MEG3: variants seen among roughly 807,000 people sequenced by gnomAD.
MEG3 encodes the protein Very putative protein from MEG3 locus.
chr14:100,847,025 G>C (rs922106906), intron 3 of MEG3: 1 of 150,294 alleles, frequency 6.7e-6, no homozygotes. Flanking sequence ...ACAAAGAAAG[G>C]TTAAAAAAAA....
chr14:100,827,337 C>T (rs1035992359), intron 1 of MEG3: 8 of 66,356 alleles, frequency 1.2e-4, no homozygotes, highest in African/African-American at 4.6e-4. Context: ...TTTTGGGGGG[C>T]GGGGTGGGGA....
In MEG3 at chr14:100,857,798, G is replaced by A. The variant is rs116907618; in HGVS notation, n.554G>A. The stretch of plus-strand genomic sequence containing the variant: ...CGGAGGGGTTTCTGCAAACATTCAT[G>A]TATGCCCCTGCTTTCGTTTGTTAGG... On this transcript the variant is annotated non_coding_transcript_exon_variant, in exon 1 of 2. Coordinates refer to the MEG3 transcript ENST00000398460. The A allele has an allele frequency of 1.2e-4, 18 of 152,170 alleles. 1 individual carries two copies. Among genetic ancestry groups the A allele is most frequent in the Non-Finnish European group, 1.5e-5 (1 of 68,052 alleles). 9.4% of individuals were successfully genotyped at this position (152,170 alleles called of 1,614,324 possible).
At chr14:100,860,554 C>A in intron 1 of MEG3, 1 of 429,776 alleles carries the variant, frequency 2.3e-6, no homozygotes, top group Non-Finnish European at 4.7e-6. Flanking sequence ...CCTCACCCTC[C>A]ATGCTGCTAG....
At chr14:100,833,692 G>T (rs1021845186), downstream of MEG3, 38 of 152,154 alleles carry the variant, frequency 2.5e-4, no homozygotes, top group African/African-American at 8.9e-4. Context: ...TATGTCCCGA[G>T]TCTGAAACAT....
intron 2 of MEG3, among the ~76,000 whole-genome samples, chr14:100,843,562 T>C (rs536654507): frequency 6.6e-6 from 1 of 152,360 alleles, no homozygotes; most frequent in Admixed American, 6.5e-5. Flanking sequence ...TAACCAGTTA[T>C]GGCAGAACAG....
intron 2 of MEG3, among the ~76,000 whole-genome samples, chr14:100,838,920 G>A (rs2037669683): frequency 6.6e-6 from 1 of 152,096 alleles, no homozygotes. Flanking sequence ...CTGACCTCAT[G>A]CCTCCTGAGT....
At chr14:100,834,494 C>T (rs2037495677) in exon 1 of MEG3, 1 of 323,226 alleles carries the variant, frequency 3.1e-6, no homozygotes, top group Non-Finnish European at 6.1e-6. Context: ...GAGGCACCGG[C>T]AGAGGGGTCT....
exon 2 of MEG3, chr14:100,860,827 T>TG (rs2038385583): frequency 2.6e-6 from 1 of 391,494 alleles, no homozygotes; most frequent in Non-Finnish European, 5.1e-6. Context: ...GTCAGACCCG[T>TG]GGGCTGGACC....
chr14:100,839,287 T>C (rs1566726752), intron 2 of MEG3, among the ~76,000 whole-genome samples: 4 of 152,084 alleles, frequency 2.6e-5, no homozygotes, highest in Admixed American at 1.3e-4. Context: ...GTGGCTTCTT[T>C]TTAGGAGACT....
downstream of MEG3, chr14:100,830,388 C>T (rs1018716913): frequency 2.7e-5 from 4 of 150,416 alleles, no homozygotes; most frequent in Admixed American, 2.0e-4. Context: ...CACACACCCC[C>T]TCGTGTATCT....
At chr14:100,840,986 G>A (rs2037738918) in intron 2 of MEG3, among the ~76,000 whole-genome samples, 1 of 152,212 alleles carries the variant, frequency 6.6e-6, no homozygotes, top group Non-Finnish European at 1.5e-5. Flanking sequence ...TCAGGAAGTT[G>A]GCGGTAGGGG....
intron 3 of MEG3, chr14:100,848,314 G>T (rs2037976552): frequency 6.6e-6 from 1 of 152,234 alleles, no homozygotes; most frequent in South Asian, 2.1e-4. Context: ...CACATGGGAG[G>T]GAGGAGTGGG....
At chr14:100,857,832 G>C (rs2038287099) in exon 1 of MEG3, 1 of 152,232 alleles carries the variant, frequency 6.6e-6, no homozygotes, top group African/African-American at 2.4e-5. Context: ...GGGAGAAGGA[G>C]TGGGGTGACC....
chr14:100,847,981 C>A (rs996227333), intron 3 of MEG3: 1 of 152,100 alleles, frequency 6.6e-6, no homozygotes. Context: ...TGGAACCGCA[C>A]GGCCAAGGAT....
At chr14:100,838,845 C>T (rs1050442960) in intron 2 of MEG3, among the ~76,000 whole-genome samples, 5 of 152,092 alleles carry the variant, frequency 3.3e-5, no homozygotes, top group Non-Finnish European at 7.3e-5. Context: ...AACATGACCC[C>T]TCATTCGCTC....
rs574582957 is a variant in MEG3 at position 100,845,908 on chromosome 14, G to C, written n.3121+375G>C. On this transcript the variant is annotated intron_variant and non_coding_transcript_variant, in intron 3 of 3. Transcript: ENST00000398461. This position sits in a 1 kb window ranked among gnomAD's most constrained non-coding sequence, Gnocchi z 5.2. ...TAGGATGGAAGTGCCCTGTGAGCTG[G>C]GGGGCCCTTCAAAGGGCCAAGGAGA... The C allele has an allele frequency of 1.3e-5, 2 of 156,434 alleles. No individual in the cohort carries two copies. The highest frequency in any genetic ancestry group is 1.2e-4 in the Admixed American group (2 of 16,122). 9.7% of individuals were successfully genotyped at this position (156,434 alleles called of 1,614,324 possible). A position where few individuals can be genotyped will look rare whatever the true frequency, so the allele number is the denominator to read the frequency against.
At chr14:100,860,326 G>T (rs2038368353) in exon 1 of MEG3, 1 of 256,500 alleles carries the variant, frequency 3.9e-6, no homozygotes. Context: ...GGATAGGTTG[G>T]GCAGAAGAGC....
intron 3 of MEG3, chr14:100,847,299 G>A (rs2037945727): frequency 6.6e-6 from 1 of 152,152 alleles, no homozygotes; most frequent in African/African-American, 2.4e-5. Flanking sequence ...AGAAAAAAAG[G>A]CCAAAAAGTC....
chr14:100,852,108 C>A (rs781016629), intron 3 of MEG3: 3 of 328,528 alleles, frequency 9.1e-6, no homozygotes, highest in African/African-American at 2.2e-5. Context: ...TGGGGCCAGG[C>A]CATCTGGAGT....
Sources: allele counts gnomAD v4.1 joint callset (sites outside exome capture counted in the v4.1 genomes callset), GRCh38; gene constraint gnomAD v4.1.1; non-coding constraint Gnocchi (gnomAD v3.1); transcripts MANE v1.5; gene names NCBI Gene and HGNC (gene_info 2026-07-23, HGNC 2026-07-21).